ADGRG6: variants seen among roughly 807,000 people sequenced by gnomAD.
ADGRG6 encodes the protein adhesion G protein-coupled receptor G6, also known as G-protein coupled receptor 126.
In ADGRG6, 84 loss-of-function variants were observed where a neutral mutation model predicts 142.4. The ratio of observed to expected loss-of-function variants is 0.59; its 90% CI spans 0.49 to 0.71. The LOEUF (loss-of-function observed/expected upper bound fraction) is 0.71. Ranked by LOEUF, ADGRG6 falls within the 30% of genes least tolerant of loss-of-function variation. The pLI is 0.00. For missense variants in ADGRG6, 1,367 were observed against 1,466.6 expected, an observed-to-expected ratio of 0.93 and a Z score of 1.11; for synonymous variants, 521 against 520.5, an observed-to-expected ratio of 1.00 and a Z score of -0.01.
intron 4 of ADGRG6, among the ~76,000 whole-genome samples, chr6:142,380,461 T>C (rs1441479109): frequency 6.6e-6 from 1 of 152,206 alleles, no homozygotes; most frequent in Non-Finnish European, 1.5e-5. Context: ...CAGAGGGTTC[T>C]AGTGCTCATG....
At chr6:142,331,499 C>T (rs542646072) in intron 2 of ADGRG6, among the ~76,000 whole-genome samples, 2 of 152,054 alleles carry the variant, frequency 1.3e-5, no homozygotes, top group East Asian at 3.9e-4. Flanking sequence ...CAGTGGGAAC[C>T]CAGCAATGAC....
At chr6:142,438,510 C>T (rs1777595746) in intron 24 of ADGRG6, 146 bp downstream of exon 24, 12 of 506,836 alleles carry the variant, frequency 2.4e-5, no homozygotes, top group Non-Finnish European at 3.7e-5. Flanking sequence ...AGACGTTATC[C>T]AACACCTTTA....
Position 142,436,425 on chromosome 6 carries a change from G to A in ADGRG6, c.3320-1009G>A, listed in dbSNP as rs183528021. On this transcript the variant is annotated intron_variant, in intron 22 of 24. Coordinates refer to ENST00000367609, the MANE Select transcript of ADGRG6 (RefSeq NM_198569.3). ...TCATGGGAAACTTAGCAATATTGGA[G>A]TTGCCATCATTCTTACAAGAGTGGT... 1.6e-4 allele frequency among the ~76,000 whole-genome samples: 25 copies of A among 152,258 alleles called. No homozygotes were observed. In the East Asian group the frequency reaches 4.8e-3, roughly 29 times the overall value.
chr6:142,332,311 C>A (rs1779100717), intron 2 of ADGRG6, among the ~76,000 whole-genome samples: 1 of 152,078 alleles, frequency 6.6e-6, no homozygotes, highest in Admixed American at 6.6e-5. Flanking sequence ...ATTAGTGATA[C>A]CTCTTCTAAT....
chr6:142,425,934 A>G (rs1442141376), intron 22 of ADGRG6, among the ~76,000 whole-genome samples: 3 of 152,180 alleles, frequency 2.0e-5, no homozygotes, highest in South Asian at 4.1e-4. Flanking sequence ...TTCATTTACT[A>G]TCACGATAAC....
intron 2 of ADGRG6, among the ~76,000 whole-genome samples, chr6:142,354,551 A>G (rs951842111): frequency 9.9e-5 from 15 of 152,210 alleles, no homozygotes; most frequent in Non-Finnish European, 2.9e-5. Context: ...TGTGATACCT[A>G]CATTTCTTAT....
intron 16 of ADGRG6, among the ~76,000 whole-genome samples, 181 bp from the exon 17 acceptor site, chr6:142,409,693 C>T (rs1049418926): frequency 2.6e-5 from 4 of 152,028 alleles, no homozygotes; most frequent in African/African-American, 9.7e-5. Context: ...AGTTGATTTT[C>T]GCTTGAAGTC....
At chr6:142,338,588 T>A (rs1779462109) in intron 2 of ADGRG6, among the ~76,000 whole-genome samples, 1 of 151,832 alleles carries the variant, frequency 6.6e-6, no homozygotes, top group East Asian at 1.9e-4. Flanking sequence ...TATTATTAAA[T>A]TCGTTTTAGC....
chr6:142,322,719 G>A (rs1582979605), intron 2 of ADGRG6, among the ~76,000 whole-genome samples: 1 of 152,200 alleles, frequency 6.6e-6, no homozygotes, highest in Middle Eastern at 3.4e-3. Flanking sequence ...TAAAACATGG[G>A]TGACTCAGGA....
Position 142,443,638 on chromosome 6 carries a change from G to T in ADGRG6, c.*123G>T. On this transcript the variant is annotated 3_prime_UTR_variant, in exon 25 of 25. Coordinates refer to ENST00000367609, the MANE Select transcript of ADGRG6 (RefSeq NM_198569.3). ...TGCATATATATAAGGAATGTATTTT[G>T]TTAAGAAGGCTTTTGTGAAATTCAG... The T allele has an allele frequency of 3.5e-6, 2 of 575,228 alleles. No homozygotes were observed. Among genetic ancestry groups the T allele is most frequent in the South Asian group, 3.2e-5 (1 of 31,476 alleles). The allele number at this position is 575,228 out of a possible 1,614,324, so 35.6% of individuals were successfully genotyped here. A position where few individuals can be genotyped will look rare whatever the true frequency, so the allele number is the denominator to read the frequency against.
At chr6:142,323,549 AT>A (rs1298082208) in intron 2 of ADGRG6, among the ~76,000 whole-genome samples, 3 of 152,124 alleles carry the variant, frequency 2.0e-5, no homozygotes, top group African/African-American at 7.2e-5. Context: ...GTCTCATAAG[AT>A]TAGTCATGCA....
At chr6:142,393,197 G>C (rs1774992299) in intron 8 of ADGRG6, among the ~76,000 whole-genome samples, 197 bp downstream of exon 8, 1 of 152,012 alleles carries the variant, frequency 6.6e-6, no homozygotes, top group African/African-American at 2.4e-5. Context: ...AAACTGTTTT[G>C]ATCATGCATT....
At chr6:142,414,369 T>G (rs1776247455) in intron 18 of ADGRG6, among the ~76,000 whole-genome samples, 1 of 152,194 alleles carries the variant, frequency 6.6e-6, no homozygotes, top group South Asian at 2.1e-4. Flanking sequence ...AAAAAGTCTA[T>G]GACCCCCAAA....
At chr6:142,326,770 C>A (rs1433239405) in intron 2 of ADGRG6, among the ~76,000 whole-genome samples, 4 of 151,968 alleles carry the variant, frequency 2.6e-5, no homozygotes. Flanking sequence ...GTCATGCAGT[C>A]ATGTTAAGTG....
intron 2 of ADGRG6, among the ~76,000 whole-genome samples, chr6:142,350,331 G>C (rs1780108915): frequency 1.3e-5 from 2 of 152,180 alleles, no homozygotes; most frequent in South Asian, 4.1e-4. Context: ...GTCCTCTTGG[G>C]CAAGTCAGTT....
At chr6:142,399,789 C>T (rs1775408400) in intron 10 of ADGRG6, among the ~76,000 whole-genome samples, 1 of 152,152 alleles carries the variant, frequency 6.6e-6, no homozygotes. Flanking sequence ...TGATATAACT[C>T]ACTAATGCTC....
chr6:142,341,496 T>TA (rs1779632411), intron 2 of ADGRG6, among the ~76,000 whole-genome samples: 1 of 118,240 alleles, frequency 8.5e-6, no homozygotes, highest in Non-Finnish European at 1.7e-5. Context: ...CTATATAATA[T>TA]TATATAGTAT....
intron 2 of ADGRG6, among the ~76,000 whole-genome samples, chr6:142,312,234 T>G (rs1436808921): frequency 6.6e-6 from 1 of 152,086 alleles, no homozygotes; most frequent in Non-Finnish European, 1.5e-5. Flanking sequence ...TTCAGATGAT[T>G]AAAATTAGAA....
At position 142,302,120 on chromosome 6, in the gene ADGRG6, G is replaced by T; in HGVS notation, c.-210G>T. 1.8e-6 allele frequency: 1 copy of T among 557,584 alleles called. No individual in the cohort carries two copies. The highest frequency in any genetic ancestry group is 3.2e-6 in the Non-Finnish European group (1 of 317,134). 34.5% of individuals were successfully genotyped at this position (557,584 alleles called of 1,614,324 possible). On this transcript the variant is annotated 5_prime_UTR_variant, in exon 1 of 25. In the 5' UTR this introduces an upstream ATG that the reference lacks. Coordinates refer to ENST00000367609, the MANE Select transcript of ADGRG6 (RefSeq NM_198569.3). ...CCGCCAGCCTGCTTCCTCGTCCGCA[G>T]GCCCTGCGCTGAACGCTGCCGCGCC... is the stretch of plus-strand genomic sequence containing the variant.
Sources: allele counts gnomAD v4.1 joint callset (sites outside exome capture counted in the v4.1 genomes callset), GRCh38; gene constraint gnomAD v4.1.1; transcripts MANE v1.5; gene names NCBI Gene and HGNC (gene_info 2026-07-23, HGNC 2026-07-21).